SLC4A5: variants seen among roughly 807,000 people sequenced by gnomAD.
The protein encoded by SLC4A5 is electrogenic sodium bicarbonate cotransporter 4.
In SLC4A5, 96 loss-of-function variants were observed where a neutral mutation model predicts 120.4. The ratio of observed to expected loss-of-function variants is 0.80; its 90% CI spans 0.68 to 0.94. SLC4A5 has a LOEUF of 0.94. Among genes scored for constraint, SLC4A5 ranks in the 40% least tolerant of loss-of-function variants. The pLI is 0.00. For missense variants in SLC4A5, 1,259 were observed against 1,459.5 expected, an observed-to-expected ratio of 0.86 and a Z score of 2.24; for synonymous variants, 550 against 571.1, an observed-to-expected ratio of 0.96 and a Z score of 0.53.
exon 19 of SLC4A5, chr2:74,247,220 G>T: frequency 4.3e-6 from 7 of 1,614,214 alleles, no homozygotes; most frequent in Non-Finnish European, 5.9e-6. Flanking sequence ...TGATAAAGCT[G>T]GCATCTGTGG....
chr2:74,226,838 G>A, intron 27 of SLC4A5, 119 bp downstream of exon 27: 3 of 1,204,132 alleles, frequency 2.5e-6, no homozygotes, highest in East Asian at 2.4e-5. Context: ...CGTGACCCGA[G>A]GGAGCCAGGC....
At chr2:74,335,086 A>G (rs549503002) in intron 3 of SLC4A5, among the ~76,000 whole-genome samples, 1 of 152,276 alleles carries the variant, frequency 6.6e-6, no homozygotes, top group African/African-American at 2.4e-5. Flanking sequence ...GGGACGCCAC[A>G]GATTATGTAT....
At chr2:74,290,300 C>A in intron 7 of SLC4A5, 1 of 985,552 alleles carries the variant, frequency 1.0e-6, no homozygotes. Flanking sequence ...TGCCTCTGGC[C>A]CCAGCCTGCT....
At chr2:74,278,222 G>C (rs1671704523) in intron 8 of SLC4A5, among the ~76,000 whole-genome samples, 1 of 152,316 alleles carries the variant, frequency 6.6e-6, no homozygotes, top group South Asian at 2.1e-4. Context: ...CCAGCTCCAA[G>C]GGTTCTGAGG....
rs562667885 is a variant in SLC4A5, at chr2:74,283,761, C to T, written c.401+2012G>A. 3.2e-4 allele frequency among the ~76,000 whole-genome samples: 48 copies of T among 152,008 alleles called. 1 individual carries two copies. In the South Asian group the frequency reaches 9.8e-3, roughly 31 times the overall value. On this transcript the variant is annotated intron_variant, in intron 8 of 30. Transcript: ENST00000394019. ...CCCAAGGGGGCAAAAACTGTTTCTTCGAGGAGTGAAAATATTTTAGATATT... is the reference window on the plus strand; with the variant it reads ...CCCAAGGGGGCAAAAACTGTTTCTTTGAGGAGTGAAAATATTTTAGATATT...
intron 22 of SLC4A5, among the ~76,000 whole-genome samples, chr2:74,234,128 T>A (rs1670189439): frequency 6.6e-6 from 1 of 151,242 alleles, no homozygotes; most frequent in Non-Finnish European, 1.5e-5. Flanking sequence ...GAATCTGGAC[T>A]CCCTACTCTG....
chr2:74,222,831 G>C, intron 29 of SLC4A5, 37 bp downstream of exon 29: 1 of 1,511,328 alleles, frequency 6.6e-7, no homozygotes, highest in Non-Finnish European at 9.2e-7. Context: ...TGGAGGACTA[G>C]TAGTAAGAAG....
intron 11 of SLC4A5, among the ~76,000 whole-genome samples, chr2:74,259,911 C>T (rs1055191303): frequency 1.3e-5 from 2 of 152,172 alleles, no homozygotes; most frequent in Non-Finnish European, 2.9e-5. Context: ...TCCACCCCAA[C>T]GTCTTGGATG....
At chr2:74,281,716 C>T (rs956811202) in intron 8 of SLC4A5, among the ~76,000 whole-genome samples, 1 of 152,162 alleles carries the variant, frequency 6.6e-6, no homozygotes, top group Non-Finnish European at 1.5e-5. Flanking sequence ...TGAAACATCC[C>T]CCAAACTAAT....
chr2:74,338,070 G>T (rs1357169494), intron 3 of SLC4A5, among the ~76,000 whole-genome samples: 1 of 152,220 alleles, frequency 6.6e-6, no homozygotes, highest in African/African-American at 2.4e-5. Context: ...TCAAGAGAGG[G>T]TCAGGTGCTT....
chr2:74,330,856 G>C (rs1310771998), intron 4 of SLC4A5, among the ~76,000 whole-genome samples: 9 of 122,906 alleles, frequency 7.3e-5, no homozygotes, highest in Admixed American at 1.6e-4. Flanking sequence ...GTAGGTGTAG[G>C]TGGTGAGGTA....
chr2:74,229,263 G>T (rs917323714), intron 25 of SLC4A5, among the ~76,000 whole-genome samples: 2 of 148,952 alleles, frequency 1.3e-5, no homozygotes. Flanking sequence ...TTTTTTTGGG[G>T]GGGGCACGGA....
Position 74,255,765 on chromosome 2 carries a change from T to C in SLC4A5, c.1025+10A>G, listed in dbSNP as rs7602215. 0.16 allele frequency: 256,342 copies of C among 1,613,578 alleles called. 23,120 individuals are homozygous for C. The highest frequency in any genetic ancestry group is 0.37 in the East Asian group (16,685 of 44,838). On this transcript the variant is annotated intron_variant, in intron 13 of 30. Coordinates refer to ENST00000394019, the Ensembl canonical transcript of SLC4A5. This position sits in a 1 kb window ranked among gnomAD's most constrained non-coding sequence, Gnocchi z 4.0. Reference sequence around the variant, plus strand: ...AGAGTGGCGTGGGGACAGGTTTCAATGGCTCTCACCTGGTGGGGACAGGCA... The same window carrying C: ...AGAGTGGCGTGGGGACAGGTTTCAACGGCTCTCACCTGGTGGGGACAGGCA...
At chr2:74,244,192 T>G (rs1305286915) in intron 19 of SLC4A5, among the ~76,000 whole-genome samples, 1 of 152,254 alleles carries the variant, frequency 6.6e-6, no homozygotes, top group Non-Finnish European at 1.5e-5. Context: ...CTAGTTCCTT[T>G]ACTTTCTGTG....
exon 15 of SLC4A5, chr2:74,253,030 T>C: frequency 6.2e-7 from 1 of 1,614,184 alleles, no homozygotes; most frequent in Non-Finnish European, 8.5e-7. Context: ...TTGGGTCCCA[T>C]TCTCCAGGAG....
intron 6 of SLC4A5, among the ~76,000 whole-genome samples, chr2:74,309,594 T>C (rs1351963699): frequency 1.3e-5 from 2 of 152,132 alleles, no homozygotes; most frequent in Non-Finnish European, 2.9e-5. Context: ...TTATATTGCA[T>C]CTATAGATCA....
exon 11 of SLC4A5, chr2:74,262,142 C>T (rs140446442): frequency 1.2e-4 from 192 of 1,613,486 alleles, no homozygotes; most frequent in Non-Finnish European, 1.4e-4. Flanking sequence ...CTCACACAGA[C>T]GTCCGTAATT....
exon 28 of SLC4A5, chr2:74,224,858 G>C (rs143616530): frequency 1.2e-5 from 20 of 1,612,316 alleles, no homozygotes; most frequent in Non-Finnish European, 1.7e-5. Context: ...CACAGTCCTC[G>C]TGGGCCCCTT....
intron 23 of SLC4A5, 140 bp from the exon 24 acceptor site, chr2:74,232,787 T>C (rs1050919694): frequency 5.6e-6 from 6 of 1,067,750 alleles, no homozygotes; most frequent in South Asian, 3.1e-5. Context: ...CTTGCAAGGA[T>C]TGCAGAGGTG....
Sources: gnomAD v4.1 joint callset for allele counts (sites outside exome capture counted in the v4.1 genomes callset) on GRCh38, gnomAD v4.1.1 for gene constraint, Gnocchi (gnomAD v3.1) non-coding constraint, MANE v1.5 for transcripts, NCBI Gene and HGNC (gene_info 2026-07-23, HGNC 2026-07-21) for gene names.